APP: variants seen among roughly 807,000 people sequenced by gnomAD.
APP encodes the protein amyloid beta precursor protein.
Under a neutral mutation model 101.4 loss-of-function variants are expected in APP, and 31 were observed. That is an observed-to-expected ratio of 0.31 (90% CI 0.23 to 0.41). The LOEUF (loss-of-function observed/expected upper bound fraction) is 0.41. Among genes scored for constraint, APP ranks in the 10% least tolerant of loss-of-function variants. The pLI is 1.00. For missense variants in APP, 839 were observed against 1,003.7 expected, an observed-to-expected ratio of 0.84 and a Z score of 2.22; for synonymous variants, 366 against 364.4, an observed-to-expected ratio of 1.00 and a Z score of -0.05.
At chr21:26,168,004 C>G (rs547238008) in intron 1 of APP, among the ~76,000 whole-genome samples, 1 of 152,246 alleles carries the variant, frequency 6.6e-6, no homozygotes, top group Non-Finnish European at 1.5e-5. Context: ...TTTCCATAAA[C>G]TATAAATTAG....
chr21:26,077,176 A>T (rs904379269), intron 3 of APP, among the ~76,000 whole-genome samples: 1 of 152,130 alleles, frequency 6.6e-6, no homozygotes, highest in Non-Finnish European at 1.5e-5. Context: ...TCCTTGATCG[A>T]TTTCTCCATA....
chr21:25,897,446 A>G (rs1442605373), intron 16 of APP, 127 bp downstream of exon 16: 3 of 808,942 alleles, frequency 3.7e-6, no homozygotes, highest in African/African-American at 3.4e-5. Context: ...TTTTCATGGT[A>G]ATCCTATAGG....
chr21:25,905,304 G>C (rs1041316892), intron 14 of APP, among the ~76,000 whole-genome samples: 3 of 152,150 alleles, frequency 2.0e-5, no homozygotes, highest in African/African-American at 7.2e-5. Flanking sequence ...CTGCTCCTTA[G>C]TTTTCTAATA....
intron 11 of APP, among the ~76,000 whole-genome samples, chr21:25,974,434 A>G (rs2042151158): frequency 6.6e-6 from 1 of 152,222 alleles, no homozygotes; most frequent in Admixed American, 6.5e-5. Context: ...ATGAGGGCAG[A>G]GCCTTCAAGA....
chr21:26,121,322 G>A (rs2062564751), intron 1 of APP, among the ~76,000 whole-genome samples: 1 of 152,106 alleles, frequency 6.6e-6, no homozygotes, highest in African/African-American at 2.4e-5. Flanking sequence ...CCTCATACCT[G>A]CACAGTTAGG....
chr21:26,054,483 C>A (rs904957344), intron 3 of APP, among the ~76,000 whole-genome samples: 2 of 152,096 alleles, frequency 1.3e-5, no homozygotes, highest in Non-Finnish European at 2.9e-5. Context: ...TGCAGCCCAT[C>A]TGGATATGGG....
At chr21:25,963,580 A>T (rs1292088925) in intron 11 of APP, among the ~76,000 whole-genome samples, 1 of 152,162 alleles carries the variant, frequency 6.6e-6, no homozygotes, top group Non-Finnish European at 1.5e-5. Flanking sequence ...GAACAAAGCA[A>T]TTCTCTCCTG....
At chr21:25,992,760 C>T (rs1601140463) in intron 8 of APP, among the ~76,000 whole-genome samples, 2 of 152,180 alleles carry the variant, frequency 1.3e-5, no homozygotes, top group African/African-American at 4.8e-5. Context: ...TAGTTTAATT[C>T]ACCATCACAT....
intron 5 of APP, among the ~76,000 whole-genome samples, chr21:26,043,646 T>C (rs545362754): frequency 4.3e-4 from 65 of 152,384 alleles, no homozygotes; most frequent in African/African-American, 1.5e-3. Context: ...ACTCAAATAC[T>C]TGTTGAGCAC....
chr21:25,908,299 TG>T (rs1394044250), intron 14 of APP, among the ~76,000 whole-genome samples: 1 of 152,254 alleles, frequency 6.6e-6, no homozygotes, highest in Non-Finnish European at 1.5e-5. Context: ...AACTCTGATA[TG>T]CTTATTTTCT....
intron 2 of APP, among the ~76,000 whole-genome samples, chr21:26,098,224 C>A (rs764181183): frequency 1.0e-4 from 15 of 149,290 alleles, no homozygotes; most frequent in Middle Eastern, 3.5e-3. Flanking sequence ...AAAAGCTTAT[C>A]ATCGGTAGCC....
intron 5 of APP, among the ~76,000 whole-genome samples, chr21:26,037,512 T>A (rs9979927): frequency 0.36 from 53,978 of 151,970 alleles, 9,594 homozygotes; most frequent in South Asian, 0.4. Context: ...AAGGTACCTT[T>A]TAATGAACGG....
intron 1 of APP, among the ~76,000 whole-genome samples, chr21:26,149,076 G>A (rs890776569): frequency 2.6e-5 from 4 of 152,206 alleles, no homozygotes; most frequent in Non-Finnish European, 5.9e-5. Context: ...TCCTGCAGGA[G>A]AGGGTGAAAG....
At chr21:26,101,815 T>A (rs1487621868) in intron 2 of APP, among the ~76,000 whole-genome samples, 1 of 152,194 alleles carries the variant, frequency 6.6e-6, no homozygotes, top group African/African-American at 2.4e-5. Flanking sequence ...GACCCTCCAA[T>A]TTGCAACCTC....
chr21:26,153,415 T>C (rs1250542317), intron 1 of APP, among the ~76,000 whole-genome samples: 3 of 152,300 alleles, frequency 2.0e-5, no homozygotes, highest in Admixed American at 6.5e-5. Context: ...GTTAAAGGTA[T>C]ATAAGACAGC....
intron 6 of APP, among the ~76,000 whole-genome samples, chr21:26,008,452 G>A (rs2043635246): frequency 6.6e-6 from 1 of 152,178 alleles, no homozygotes; most frequent in African/African-American, 2.4e-5. Flanking sequence ...TGGAAAATAA[G>A]GGGAAGTGCT....
intron 6 of APP, among the ~76,000 whole-genome samples, chr21:26,021,036 C>A (rs2044312586): frequency 6.8e-6 from 1 of 146,990 alleles, no homozygotes; most frequent in African/African-American, 2.5e-5. Flanking sequence ...TAATGCGATA[C>A]TCACCAAATC....
chr21:26,012,975 CAACAAAACAAAACAAAACAA>C (rs146168082), intron 6 of APP, among the ~76,000 whole-genome samples: 1,991 of 147,806 alleles, frequency 0.013, 46 homozygotes, highest in African/African-American at 0.047. Context: ...GACTCCATGT[CAACAAAACAAAACAAAACAA>C]AACAAAACAA....
intron 1 of APP, among the ~76,000 whole-genome samples, chr21:26,157,509 C>T (rs1185574154): frequency 6.6e-6 from 1 of 152,172 alleles, no homozygotes. Context: ...ATGTGTCAAA[C>T]TATTGGAACA....
Sources: gnomAD v4.1 joint callset for allele counts (sites outside exome capture counted in the v4.1 genomes callset) on GRCh38, gnomAD v4.1.1 for gene constraint, MANE v1.5 for transcripts, NCBI Gene and HGNC (gene_info 2026-07-23, HGNC 2026-07-21) for gene names.